CD8B2: variants seen among roughly 807,000 people sequenced by gnomAD.
CD8B2 encodes T-cell surface glycoprotein CD8 beta-2 chain.
In CD8B2, 11 loss-of-function variants were observed where a neutral mutation model predicts 23.7. The ratio of observed to expected loss-of-function variants is 0.46; its 90% CI spans 0.29 to 0.77. CD8B2 has a LOEUF of 0.77. Ranked by LOEUF, CD8B2 falls within the 30% of genes least tolerant of loss-of-function variation. CD8B2 has a pLI of 0.09. For missense variants in CD8B2, 197 were observed against 270.5 expected (o/e 0.73, Z 1.91); for synonymous variants, 90 against 109.3 (o/e 0.82, Z 1.10).
intron 2 of CD8B2, among the ~76,000 whole-genome samples, chr2:106,492,317 G>A (rs1290402371): frequency 6.6e-6 from 1 of 152,100 alleles, no homozygotes; most frequent in African/African-American, 2.4e-5. Flanking sequence ...TTAAAGTCAT[G>A]TTTAAAAAAG....
Position 106,509,780 on chromosome 2 carries a change from T to C in CD8B2, c.*2840T>C, listed in dbSNP as rs943363619. The C allele has an allele frequency of 2.6e-5, 4 of 152,200 alleles. No homozygotes were observed. The highest frequency in any genetic ancestry group is 4.4e-5 in the Non-Finnish European group (3 of 68,040). 9.4% of individuals were successfully genotyped at this position (152,200 alleles called of 1,614,324 possible). A position where few individuals can be genotyped will look rare whatever the true frequency, so the allele number is the denominator to read the frequency against. Reference sequence around the variant, plus strand: ...ACTCTATAGGGCCATTATGATGAAATATGCCCCCCAAACTCCATCCAGCTA... The same window carrying C: ...ACTCTATAGGGCCATTATGATGAAACATGCCCCCCAAACTCCATCCAGCTA... On this transcript the variant is annotated 3_prime_UTR_variant, in exon 6 of 6. Coordinates refer to ENST00000643224, the MANE Select transcript of CD8B2 (RefSeq NM_001349727.2).
Position 106,491,081 on chromosome 2 carries a change from A to G in CD8B2, c.251A>G (p.Glu84Gly), listed in dbSNP as rs1679186929. 2 of 1,613,792 alleles carry G rather than the reference A, an allele frequency of 1.2e-6. No individual in the cohort carries two copies. The highest frequency in any genetic ancestry group is 2.7e-5 in the African/African-American group (2 of 74,928). ...GCAAAAGGGACTATCCACGGTGAAG[A>G]GGTGGAACAGGAGAAGATAGCTGTG... Reference protein sequence around the residue: ...DSAKGTIHGEEVEQEKIAVFR... With the variant: ...DSAKGTIHGEGVEQEKIAVFR... The change falls in exon 2 of 6, where the codon GAG (glutamate) becomes GGG (glycine). Residue 84 changes from glutamate to glycine, a missense_variant. Physicochemically the swap from Glu to Gly is moderately conservative, Grantham distance 98 (BLOSUM62 -2). Transcript: ENST00000643224.
downstream of CD8B2, among the ~76,000 whole-genome samples, chr2:106,511,829 A>G (rs1679637077): frequency 2.6e-5 from 4 of 152,166 alleles, no homozygotes; most frequent in Admixed American, 6.5e-5. Flanking sequence ...ACATAACTCA[A>G]ACAGAAGGAA....
At chr2:106,515,040 T>G (rs1168642182), downstream of CD8B2, among the ~76,000 whole-genome samples, 1 of 152,070 alleles carries the variant, frequency 6.6e-6, no homozygotes. Context: ...GAAAACAGTC[T>G]GCCTCTCCCA....
chr2:106,517,799 G>T (rs568035466), intron 5 of CD8B2, among the ~76,000 whole-genome samples: 1 of 151,740 alleles, frequency 6.6e-6, no homozygotes, highest in Non-Finnish European at 1.5e-5. Context: ...TGCAAGCTCC[G>T]CCTCCCGGGT....
chr2:106,495,616 C>A (rs1679284648), intron 2 of CD8B2, among the ~76,000 whole-genome samples: 3 of 152,080 alleles, frequency 2.0e-5, no homozygotes. Context: ...GGCTCCAGAG[C>A]CTTCCTCTCT....
intron 5 of CD8B2, chr2:106,538,166 C>G (rs183763131): frequency 1.3e-5 from 2 of 152,262 alleles, no homozygotes; most frequent in Admixed American, 1.3e-4. Context: ...CTCATGGTGG[C>G]ACAAAACTAG....
chr2:106,518,715 T>A (rs1679774024), intron 5 of CD8B2, among the ~76,000 whole-genome samples: 1 of 151,998 alleles, frequency 6.6e-6, no homozygotes, highest in Admixed American at 6.6e-5. Flanking sequence ...CCATCTATCC[T>A]TTCTCCCTGT....
At chr2:106,497,872 C>T (rs1438113006) in intron 3 of CD8B2, among the ~76,000 whole-genome samples, 1 of 152,060 alleles carries the variant, frequency 6.6e-6, no homozygotes, top group South Asian at 2.1e-4. Flanking sequence ...AAGATGAGGG[C>T]ACAAGAACTG....
rs1476806861 is a variant in CD8B2, at chr2:106,510,741, T to A, written c.*3801T>A. ...AGACAGACCTTGTCTCAAAAATAAATTTTTTCTAAAAAAAGTTTCTTGTTT... is the reference window on the plus strand; with the variant it reads ...AGACAGACCTTGTCTCAAAAATAAAATTTTTCTAAAAAAAGTTTCTTGTTT... On this transcript the variant is annotated 3_prime_UTR_variant, in exon 6 of 6. Transcript: ENST00000643224. The A allele has an allele frequency of 6.6e-6, 1 of 151,964 alleles. No homozygotes were observed. The highest frequency in any genetic ancestry group is 1.5e-5 in the Non-Finnish European group (1 of 67,988). The allele number at this position is 151,964 out of a possible 1,614,324, so 9.4% of individuals were successfully genotyped here. A position where few individuals can be genotyped will look rare whatever the true frequency, so the allele number is the denominator to read the frequency against.
At chr2:106,521,377 G>A (rs1354512541) in intron 5 of CD8B2, among the ~76,000 whole-genome samples, 1 of 152,214 alleles carries the variant, frequency 6.6e-6, no homozygotes, top group Non-Finnish European at 1.5e-5. Flanking sequence ...ACGGCTGCTA[G>A]CATTCACCTG....
intron 3 of CD8B2, among the ~76,000 whole-genome samples, chr2:106,501,905 T>C (rs1679415262): frequency 6.6e-6 from 1 of 152,192 alleles, no homozygotes; most frequent in Non-Finnish European, 1.5e-5. Flanking sequence ...AAAAGACTCA[T>C]TACCAGGCAT....
intron 5 of CD8B2, among the ~76,000 whole-genome samples, chr2:106,537,267 T>C (rs1680104448): frequency 6.6e-6 from 1 of 152,124 alleles, no homozygotes; most frequent in Non-Finnish European, 1.5e-5. Flanking sequence ...AACCATGGGC[T>C]CATCACAAGG....
rs117937077 is a variant in CD8B2 at position 106,536,842 on chromosome 2, G to A, written c.621-7150G>A. 7.7e-3 allele frequency among the ~76,000 whole-genome samples: 1,178 copies of A among 152,264 alleles called. 17 individuals carry two copies. The highest frequency in any genetic ancestry group is 0.034 in the South Asian group (165 of 4,824). The stretch of plus-strand genomic sequence containing the variant: ...AGTCTTACATGGAATATATGATGGC[G>A]CAAATAGTGTTACTGATCATGCCCT... On this transcript the variant is annotated intron_variant, in intron 5 of 5. Transcript: ENST00000416057.
intron 5 of CD8B2, among the ~76,000 whole-genome samples, chr2:106,517,369 T>G (rs1368407166): frequency 2.0e-5 from 3 of 152,174 alleles, no homozygotes; most frequent in Non-Finnish European, 4.4e-5. Flanking sequence ...CTATCTTTGA[T>G]TTCTCGCTTC....
Position 106,491,214 on chromosome 2 carries a change from G to A in CD8B2, c.384G>A (p.Lys128=), listed in dbSNP as rs1272069963. The A allele has an allele frequency of 4.4e-6, 7 of 1,590,978 alleles. No individual in the cohort carries two copies. Among genetic ancestry groups the A allele is most frequent in the Non-Finnish European group, 4.3e-6 (5 of 1,163,336 alleles). ...IVGSPELTFG[K]GTQLSVVDFL... is the part of the protein sequence containing the mutation. ...GGAGCCCCGAGCTGACCTTCGGGAA[G>A]GGAACTCAGCTGAGTGTGGGTAAAA... The change falls in exon 2 of 6, where the codon AAG becomes AAA. Residue 128 remains lysine, a synonymous_variant. Transcript: ENST00000643224.
chr2:106,507,082 G>T lies in CD8B2; in HGVS notation c.*142G>T. 6.6e-7 allele frequency: 1 copy of T among 1,514,048 alleles called. No individual in the cohort carries two copies. The highest frequency in any genetic ancestry group is 8.8e-7 in the Non-Finnish European group (1 of 1,132,170). 93.8% of individuals were successfully genotyped at this position (1,514,048 alleles called of 1,614,324 possible). A position where few individuals can be genotyped will look rare whatever the true frequency, so the allele number is the denominator to read the frequency against. On this transcript the variant is annotated 3_prime_UTR_variant, in exon 6 of 6. Transcript: ENST00000643224. ...GCTGCCTGCTTTTCACTGCTGCAAG[G>T]CCTTTCTGTGTGTGACGTGCATGGG... is the stretch of plus-strand genomic sequence containing the variant.
intron 5 of CD8B2, among the ~76,000 whole-genome samples, chr2:106,517,992 G>A (rs948305321): frequency 3.3e-5 from 5 of 152,184 alleles, no homozygotes; most frequent in African/African-American, 1.2e-4. Flanking sequence ...GGGATTACAG[G>A]CGGGAGCCAC....
At chr2:106,534,871 T>G (rs1324707840) in intron 5 of CD8B2, among the ~76,000 whole-genome samples, 1 of 152,134 alleles carries the variant, frequency 6.6e-6, no homozygotes, top group Non-Finnish European at 1.5e-5. Flanking sequence ...CAGACTGGAG[T>G]GCAGTTGTGA....
Sources: allele counts gnomAD v4.1 joint callset (sites outside exome capture counted in the v4.1 genomes callset), GRCh38; gene constraint gnomAD v4.1.1; transcripts MANE v1.5; gene names NCBI Gene and HGNC (gene_info 2026-07-23, HGNC 2026-07-21).